Variants in BTAF1 observed in about 807,000 individuals in gnomAD.
The protein encoded by BTAF1 is TATA-binding protein-associated factor 172.
A neutral mutation model predicts 227.1 loss-of-function variants in BTAF1; 38 were observed. The ratio of observed to expected loss-of-function variants is 0.17; its 90% CI spans 0.13 to 0.22. The LOEUF (loss-of-function observed/expected upper bound fraction) is 0.22, where lower values mean the gene tolerates loss of function less well. Among genes scored for constraint, BTAF1 ranks in the 10% least tolerant of loss-of-function variants. The probability of loss-of-function intolerance (pLI) is 1.00; values close to 1 mark genes in which losing one functional copy is unlikely to be tolerated. For missense variants in BTAF1, 1,598 were observed against 2,204.0 expected, an observed-to-expected ratio of 0.73 and a Z score of 5.51; for synonymous variants, 742 against 751.9, an observed-to-expected ratio of 0.99 and a Z score of 0.21.
chr10:92,029,009 T>C lies in BTAF1; in HGVS notation c.*76T>C, dbSNP rs1475625707. On this transcript the variant is annotated 3_prime_UTR_variant, in exon 38 of 38. Coordinates refer to ENST00000265990, the MANE Select transcript of BTAF1 (RefSeq NM_003972.3). ...GATATTCAGCAAATTTCTAAGTTTA[T>C]GGTGAACTTTTAACTCAATGTGTAA... The C allele has an allele frequency of 7.2e-7, 1 of 1,381,854 alleles. No individual in the cohort carries two copies. The highest frequency in any genetic ancestry group is 9.8e-7 in the Non-Finnish European group (1 of 1,020,078). The allele number at this position is 1,381,854 out of a possible 1,614,324, so 85.6% of individuals were successfully genotyped here. A position where few individuals can be genotyped will look rare whatever the true frequency, so the allele number is the denominator to read the frequency against.
intron 36 of BTAF1, 57 bp from the exon 37 acceptor site, chr10:92,027,073 G>C (rs532955217): frequency 6.5e-7 from 1 of 1,533,622 alleles, no homozygotes; most frequent in African/African-American, 1.4e-5. Context: ...CCTCTGACTC[G>C]TTGGAACCTC....
chr10:91,990,330 G>A (rs1261865320), intron 20 of BTAF1, among the ~76,000 whole-genome samples: 2 of 152,008 alleles, frequency 1.3e-5, no homozygotes, highest in Non-Finnish European at 2.9e-5. Context: ...AAATACATTG[G>A]GGTCATTCTC....
At chr10:91,953,696 A>ATTTATTT (rs777694152) in intron 5 of BTAF1, 41 bp from the exon 6 acceptor site, 1 of 1,597,580 alleles carries the variant, frequency 6.3e-7, no homozygotes, top group Admixed American at 1.8e-5. Context: ...TACTTATTTT[A>ATTTATTT]ATTTCAAAAG....
At chr10:91,977,161 G>C (rs527457870) in intron 14 of BTAF1, among the ~76,000 whole-genome samples, 2 of 152,130 alleles carry the variant, frequency 1.3e-5, no homozygotes, top group African/African-American at 4.8e-5. Flanking sequence ...AACATGGAAG[G>C]GGGGTATAGA....
In BTAF1 at chr10:92,008,291, T is replaced by C. The variant is rs1458536894; in HGVS notation, c.3813+16T>C. 1 of 1,544,034 alleles carries C rather than the reference T, an allele frequency of 6.5e-7. No homozygotes were observed. The highest frequency in any genetic ancestry group is 1.4e-5 in the African/African-American group (1 of 69,816). ...ATATCAGCAGGTAAGTTTTATACAA[T>C]AGTGAGTTTTCCTTTCAAATGAACC... On this transcript the variant is annotated intron_variant, in intron 26 of 37. Transcript: ENST00000265990.
chr10:92,008,212 G>A lies in BTAF1; in HGVS notation c.3750G>A (p.Gly1250=). The change falls in exon 26 of 38, where the codon GGG becomes GGA. Residue 1250 remains glycine (G), a synonymous_variant. Coordinates refer to ENST00000265990, the MANE Select transcript of BTAF1 (RefSeq NM_003972.3). ...ACTTTTTGGAGCAATTGTTAGATGG[G>A]AAAAAATTGGAAAATTATAAAATTC... ...ERHFLEQLLD[G]KKLENYKIPV... is the part of the protein sequence containing the mutation. 6.3e-7 allele frequency: 1 copy of A among 1,596,896 alleles called. No homozygotes were observed. Among genetic ancestry groups the A allele is most frequent in the South Asian group, 1.1e-5 (1 of 87,090 alleles).
chr10:92,022,067 C>A (rs1487157073), intron 34 of BTAF1, among the ~76,000 whole-genome samples: 1 of 152,138 alleles, frequency 6.6e-6, no homozygotes, highest in African/African-American at 2.4e-5. Context: ...TAGTAATCAA[C>A]TTTTCAAGGC....
intron 16 of BTAF1, 133 bp from the exon 17 acceptor site, chr10:91,981,950 A>G (rs1848092660): frequency 2.2e-6 from 3 of 1,344,328 alleles, no homozygotes; most frequent in Non-Finnish European, 2.0e-6. Context: ...ATGAATAGTA[A>G]TGTTTATCCA....
intron 20 of BTAF1, among the ~76,000 whole-genome samples, chr10:91,990,821 G>A (rs1232087875): frequency 1.3e-5 from 2 of 151,596 alleles, no homozygotes; most frequent in African/African-American, 2.4e-5. Context: ...TAATTAATAG[G>A]CCAGGGACCA....
chr10:91,952,388 A>G (rs958192484), intron 5 of BTAF1, among the ~76,000 whole-genome samples: 3 of 152,128 alleles, frequency 2.0e-5, no homozygotes, highest in African/African-American at 7.2e-5. Flanking sequence ...TTTATGCCAC[A>G]GACTCTTTTG....
At chr10:91,999,826 C>A (rs1311563309) in intron 25 of BTAF1, among the ~76,000 whole-genome samples, 1 of 152,116 alleles carries the variant, frequency 6.6e-6, no homozygotes, top group East Asian at 1.9e-4. Flanking sequence ...ATTCATAAAT[C>A]TTTAACATAG....
Position 91,964,071 on chromosome 10 carries a change from T to C in BTAF1, c.1405-6T>C. ...TGATAACTTTTCTTGAAAACTGATC[T>C]TATAGGTGCCCTTCATTATAAATAC... is the stretch of plus-strand genomic sequence containing the variant. On this transcript the variant is annotated splice_region_variant and splice_polypyrimidine_tract_variant and intron_variant, in intron 12 of 37. Transcript: ENST00000265990. 1.2e-6 allele frequency: 2 copies of C among 1,610,526 alleles called. No individual in the cohort carries two copies. Among genetic ancestry groups the C allele is most frequent in the Non-Finnish European group, 8.5e-7 (1 of 1,179,286 alleles).
rs2071959257 is a variant in BTAF1 at position 92,029,034 on chromosome 10, AATAG to A, written c.*104_*107del. On this transcript the variant is annotated 3_prime_UTR_variant, in exon 38 of 38. Coordinates refer to ENST00000265990, the MANE Select transcript of BTAF1 (RefSeq NM_003972.3). ...TGGTGAACTTTTAACTCAATGTGTAAATAGATCTGGAGAATATTCAGCATAATGC... is the reference window on the plus strand; with the variant it reads ...TGGTGAACTTTTAACTCAATGTGTAAATCTGGAGAATATTCAGCATAATGC... 2 of 1,092,768 alleles carry A rather than the reference AATAG, an allele frequency of 1.8e-6. No homozygotes were observed. The highest frequency in any genetic ancestry group is 2.7e-5 in the Admixed American group (1 of 36,598). The allele number at this position is 1,092,768 out of a possible 1,614,324, so 67.7% of individuals were successfully genotyped here. A position where few individuals can be genotyped will look rare whatever the true frequency, so the allele number is the denominator to read the frequency against.
At chr10:91,996,292 T>C (rs1317010244) in intron 23 of BTAF1, 77 bp from the exon 24 acceptor site, 11 of 1,304,386 alleles carry the variant, frequency 8.4e-6, no homozygotes, top group Non-Finnish European at 1.2e-5. Flanking sequence ...AAAACTTTCC[T>C]GAGTATGGGC....
intron 20 of BTAF1, 27 bp downstream of exon 20, chr10:91,989,607 T>C: frequency 6.5e-7 from 1 of 1,537,902 alleles, no homozygotes; most frequent in Non-Finnish European, 8.7e-7. Context: ...TTATTTGGGG[T>C]AGAGAAATAA....
At position 91,991,279 on chromosome 10, in the gene BTAF1, T is replaced by TATATATATAAAA. The variant is rs1554860282; in HGVS notation, c.2855-831_2855-830insAAAATATATATA. ...ATATAAATATAAATATAAATATATA[T>TATATATATAAAA]ATATATATATATAAATTATCCGGAC... On this transcript the variant is annotated intron_variant, in intron 20 of 37. Coordinates refer to ENST00000265990, the MANE Select transcript of BTAF1 (RefSeq NM_003972.3). 5.1e-4 allele frequency among the ~76,000 whole-genome samples: 50 copies of TATATATATAAAA among 98,438 alleles called. 2 individuals carry two copies. Among genetic ancestry groups the TATATATATAAAA allele is most frequent in the East Asian group, 3.2e-3 (9 of 2,836 alleles). The allele number at this position is 98,438 out of a possible 152,430, so 64.6% of individuals were successfully genotyped here. A position where few individuals can be genotyped will look rare whatever the true frequency, so the allele number is the denominator to read the frequency against.
rs781777080 is a variant in BTAF1 at position 91,996,361 on chromosome 10, G to T, written c.3310-8G>T. The T allele has an allele frequency of 4.3e-6, 7 of 1,611,996 alleles. No individual in the cohort carries two copies. Among genetic ancestry groups the T allele is most frequent in the Non-Finnish European group, 5.1e-6 (6 of 1,178,780 alleles). ...TAATTCTAATTGCCATTAACTTTTT[G>T]TTTTTAGTTGGTCCAGCATTTGCCA... On this transcript the variant is annotated splice_polypyrimidine_tract_variant and splice_region_variant and intron_variant, in intron 23 of 37. Transcript: ENST00000265990.
chr10:92,008,397 G>A, intron 26 of BTAF1, 122 bp downstream of exon 26: 1 of 954,872 alleles, frequency 1.0e-6, no homozygotes, highest in Non-Finnish European at 1.5e-6. Flanking sequence ...AGGCTGGGGT[G>A]CAGTGGCAGA....
rs113690832 is a variant in BTAF1 at position 91,939,850 on chromosome 10, C to A, written c.139-102C>A. ...GTTTTATATGTATTTGGATGGCTGCCAAATTACACATTAATAACAAGTAAA... is the reference window on the plus strand; with the variant it reads ...GTTTTATATGTATTTGGATGGCTGCAAAATTACACATTAATAACAAGTAAA... On this transcript the variant is annotated intron_variant, in intron 2 of 37. Transcript: ENST00000265990. 12 of 644,312 alleles carry A rather than the reference C, an allele frequency of 1.9e-5. No homozygotes were observed. The South Asian group carries it at 2.5e-4, about 13-fold the overall frequency. The allele number at this position is 644,312 out of a possible 1,614,324, so 39.9% of individuals were successfully genotyped here. A position where few individuals can be genotyped will look rare whatever the true frequency, so the allele number is the denominator to read the frequency against.
Sources: allele counts gnomAD v4.1 joint callset (sites outside exome capture counted in the v4.1 genomes callset), GRCh38; gene constraint gnomAD v4.1.1; transcripts MANE v1.5; gene names NCBI Gene and HGNC (gene_info 2026-07-23, HGNC 2026-07-21).